NYNRIN: variants seen among roughly 807,000 people sequenced by gnomAD.
The protein encoded by NYNRIN is protein NYNRIN.
Under a neutral mutation model 146.6 loss-of-function variants are expected in NYNRIN, and 86 were observed. The ratio of observed to expected loss-of-function variants is 0.59; its 90% CI spans 0.49 to 0.70. The LOEUF (loss-of-function observed/expected upper bound fraction) is 0.70, where lower values mean the gene tolerates loss of function less well. Among genes scored for constraint, NYNRIN ranks in the 30% least tolerant of loss-of-function variants. NYNRIN has a pLI of 0.00. For missense variants in NYNRIN, 2,191 were observed against 2,377.7 expected (o/e 0.92, Z 1.63); for synonymous variants, 1,027 against 1,001.3 (o/e 1.03, Z -0.48).
In NYNRIN at chr14:24,416,057, G is replaced by T. The variant is rs902005867; in HGVS notation, c.4308G>T (p.Leu1436=). 3.1e-6 allele frequency: 5 copies of T among 1,613,890 alleles called. No homozygotes were observed. The African/African-American group carries it at 4.0e-5, about 13-fold the overall frequency. The change falls in exon 9 of 9, where the codon CTG becomes CTT. Residue 1436 remains leucine, a synonymous_variant. Coordinates refer to ENST00000382554, the MANE Select transcript of NYNRIN (RefSeq NM_025081.3). ...ACCGAACCTCCTACCGGGGCTCTCT[G>T]TTTGCTGTGACAGTGGACACCCTGG... ...FIYRTSYRGS[L]FAVTVDTLAK...
In NYNRIN at chr14:24,415,169, C is replaced by T. The variant is rs1268701220; in HGVS notation, c.3420C>T (p.Ala1140=). The T allele has an allele frequency of 6.2e-7, 1 of 1,607,484 alleles. No homozygotes were observed. Among genetic ancestry groups the T allele is most frequent in the Non-Finnish European group, 8.5e-7 (1 of 1,179,362 alleles). ...AGGAGCATGAGGAGGCCTTCCTGGC[C>T]CTGAAGCGAGCCCTGGTGTCTGCCC... ...WDQEHEEAFL[A]LKRALVSALC... The change falls in exon 9 of 9, where the codon GCC becomes GCT. Residue 1140 remains alanine (A), a synonymous_variant. Transcript: ENST00000382554.
chr14:24,417,175 G>A lies in NYNRIN; in HGVS notation c.5426G>A (p.Ser1809Asn). 2.5e-6 allele frequency: 4 copies of A among 1,614,066 alleles called. No individual in the cohort carries two copies. The highest frequency in any genetic ancestry group is 1.3e-5 in the African/African-American group (1 of 75,070). Residue 1809 changes from serine (S) to asparagine (N), a missense_variant, in exon 9 of 9, where the codon AGT becomes AAT. Coordinates refer to ENST00000382554, the MANE Select transcript of NYNRIN (RefSeq NM_025081.3). ...ELHWRVADKA[S>N]EKAENRRFKR... ...CACTGGAGGGTGGCTGACAAGGCGAGTGAAAAGGCCGAGAACAGGCGTTTC... is the reference window on the plus strand; with the variant it reads ...CACTGGAGGGTGGCTGACAAGGCGAATGAAAAGGCCGAGAACAGGCGTTTC...
Position 24,417,508 on chromosome 14 carries a change from CT to C in NYNRIN, c.*63del. On this transcript the variant is annotated 3_prime_UTR_variant, in exon 9 of 9. Coordinates refer to ENST00000382554, the MANE Select transcript of NYNRIN (RefSeq NM_025081.3). ...TGGGTTTCTGCTGCTAGGCCTCCCC[CT>C]GTCCCAGCAGTGCTCTCAGTCCACT... The C allele has an allele frequency of 2.1e-6, 3 of 1,431,714 alleles. No homozygotes were observed. Among genetic ancestry groups the C allele is most frequent in the East Asian group, 2.5e-5 (1 of 39,808 alleles). The allele number at this position is 1,431,714 out of a possible 1,614,324, so 88.7% of individuals were successfully genotyped here.
At position 24,410,063 on chromosome 14, in the gene NYNRIN, C is replaced by T. The variant is rs267603971; in HGVS notation, c.2269C>T (p.Arg757Cys). ...GGAGGGGGCCCCAAGGCAGCCACCT[C>T]GCCACCTGCAAGCGAACAGCACAGT... The part of the protein sequence containing the change: ...AWEGAPRQPP[R>C]HLQANSTVTS... Residue 757 changes from arginine (R) to cysteine (C), a missense_variant, in exon 4 of 9, where the codon CGC (arginine) becomes TGC (cysteine). Physicochemically the swap from Arg to Cys is radical, Grantham distance 180. Transcript: ENST00000382554. 32 of 1,613,818 alleles carry T rather than the reference C, an allele frequency of 2.0e-5. No homozygotes were observed. Among genetic ancestry groups the T allele is most frequent in the South Asian group, 5.5e-5 (5 of 91,090 alleles).
chr14:24,409,590 T>C lies in NYNRIN; in HGVS notation c.1796T>C (p.Leu599Pro), dbSNP rs1460834735. 7.5e-6 allele frequency: 12 copies of C among 1,610,098 alleles called. No individual in the cohort carries two copies. Among genetic ancestry groups the C allele is most frequent in the Non-Finnish European group, 8.5e-6 (10 of 1,178,076 alleles). ...GCTCCAACAAAGCCAACAGCTCAAC[T>C]GATGGCCACAGCTCAAAAAACAGTT... ...PLAPTKPTAQ[L>P]MATAQKTVVN... The change falls in exon 4 of 9, where the codon CTG (leucine) becomes CCG (proline). Residue 599 changes from leucine to proline, a missense_variant. Leu to Pro is a moderately conservative substitution (Grantham distance 98, BLOSUM62 -3). Coordinates refer to ENST00000382554, the MANE Select transcript of NYNRIN (RefSeq NM_025081.3).
At position 24,418,493 on chromosome 14, in the gene NYNRIN, C is replaced by T. The variant is rs1278243497; in HGVS notation, c.*1047C>T. The T allele has an allele frequency of 2.9e-6, 1 of 340,810 alleles. No homozygotes were observed. The highest frequency in any genetic ancestry group is 1.1e-3 in the Middle Eastern group (1 of 922). 21.1% of individuals were successfully genotyped at this position (340,810 alleles called of 1,614,324 possible). ...GTATCACCCCCCGAGTCCTGTGGAC[C>T]TGCCTTCTGTGTAGAGCAAAACCCA... is the stretch of plus-strand genomic sequence containing the variant. On this transcript the variant is annotated 3_prime_UTR_variant, in exon 9 of 9. Transcript: ENST00000382554.
In NYNRIN at chr14:24,408,767, G is replaced by T; in HGVS notation, c.973G>T (p.Val325Phe). ...HTQALLKQRQ[V>F]QKIEDKLLFQ... is the part of the protein sequence containing the mutation. ...ACAAGCCTTGTTGAAGCAAAGGCAG[G>T]TCCAGAAGATAGAAGATAAACTCCT... Residue 325 changes from valine (V) to phenylalanine (F), a missense_variant, in exon 4 of 9, where the codon GTC becomes TTC. Coordinates refer to ENST00000382554, the MANE Select transcript of NYNRIN (RefSeq NM_025081.3). 6.2e-7 allele frequency: 1 copy of T among 1,613,984 alleles called. No homozygotes were observed. The highest frequency in any genetic ancestry group is 8.5e-7 in the Non-Finnish European group (1 of 1,179,870).
Position 24,410,037 on chromosome 14 carries a change from G to C in NYNRIN, c.2243G>C (p.Trp748Ser). The change falls in exon 4 of 9, where the codon TGG becomes TCG. Residue 748 changes from tryptophan (W) to serine (S), a missense_variant. Coordinates refer to ENST00000382554, the MANE Select transcript of NYNRIN (RefSeq NM_025081.3). ...QFQMEGLLGA[W>S]EGAPRQPPRH... The stretch of plus-strand genomic sequence containing the variant: ...CAGATGGAGGGGCTCCTGGGGGCTT[G>C]GGAGGGGGCCCCAAGGCAGCCACCT... The C allele has an allele frequency of 6.2e-7, 1 of 1,613,926 alleles. No homozygotes were observed. Among genetic ancestry groups the C allele is most frequent in the Non-Finnish European group, 8.5e-7 (1 of 1,179,896 alleles).
intron 6 of NYNRIN, among the ~76,000 whole-genome samples, chr14:24,412,336 A>G (rs911271336): frequency 6.6e-6 from 1 of 152,162 alleles, no homozygotes; most frequent in Non-Finnish European, 1.5e-5. Context: ...GCCCGAATGG[A>G]AAGTTTCAGG....
chr14:24,400,898 T>A (rs1368804376), intron 2 of NYNRIN, among the ~76,000 whole-genome samples: 2 of 151,944 alleles, frequency 1.3e-5, no homozygotes, highest in African/African-American at 4.8e-5. Flanking sequence ...CAAGTGATTC[T>A]CCTGCCTCAG....
chr14:24,417,438 G>C lies in NYNRIN; in HGVS notation c.5689G>C (p.Glu1897Gln), dbSNP rs2042955827. The C allele has an allele frequency of 3.4e-6, 5 of 1,487,436 alleles. No homozygotes were observed. In the East Asian group the frequency reaches 1.2e-4, roughly 36 times the overall value. The allele number at this position is 1,487,436 out of a possible 1,614,324, so 92.1% of individuals were successfully genotyped here. A position where few individuals can be genotyped will look rare whatever the true frequency, so the allele number is the denominator to read the frequency against. The change falls in exon 9 of 9, where the codon GAG becomes CAG. Residue 1897 changes from glutamate (E) to glutamine (Q), a missense_variant. This residue lies in a region of NYNRIN where 1,291 missense variants were observed against 1,417.0 expected (regional missense o/e 0.91). Coordinates refer to ENST00000382554, the MANE Select transcript of NYNRIN (RefSeq NM_025081.3). ...SGTPLSFKVL[E>Q]Q ...CACCCCGCTGTCCTTCAAGGTCTTG[G>C]AGCAGTGAGCGGGAGCAGCGGGGGT...
At chr14:24,406,039 G>T (rs2042873308) in intron 2 of NYNRIN, among the ~76,000 whole-genome samples, 1 of 151,544 alleles carries the variant, frequency 6.6e-6, no homozygotes, top group Non-Finnish European at 1.5e-5. Context: ...GTGCACATCT[G>T]TAATCCCAGC....
chr14:24,413,556 G>GTC, intron 8 of NYNRIN, 139 bp downstream of exon 8: 1 of 595,366 alleles, frequency 1.7e-6, no homozygotes, highest in Non-Finnish European at 2.9e-6. Flanking sequence ...TGTGCCACAT[G>GTC]TTTATGTGTT....
chr14:24,410,846 T>C (rs2042908193), intron 4 of NYNRIN, among the ~76,000 whole-genome samples: 1 of 152,162 alleles, frequency 6.6e-6, no homozygotes, highest in Non-Finnish European at 1.5e-5. Context: ...CCTACACACA[T>C]GCGTACACAC....
chr14:24,414,366 G>A (rs1344976842), intron 8 of NYNRIN, among the ~76,000 whole-genome samples: 2 of 152,246 alleles, frequency 1.3e-5, no homozygotes, highest in African/African-American at 4.8e-5. Context: ...AGTTTTGATT[G>A]GATGAGTCTT....
At chr14:24,403,657 T>C (rs2042858696) in intron 2 of NYNRIN, among the ~76,000 whole-genome samples, 1 of 152,340 alleles carries the variant, frequency 6.6e-6, no homozygotes, top group Non-Finnish European at 1.5e-5. Flanking sequence ...GTGCCTGGCA[T>C]GTAGTCAAGA....
intron 6 of NYNRIN, chr14:24,412,687 C>T (rs916398553): frequency 7.8e-5 from 19 of 244,074 alleles, no homozygotes; most frequent in African/African-American, 3.0e-4. Flanking sequence ...TGAATGTGGA[C>T]GAATGTGAGT....
chr14:24,399,304 T>G lies in NYNRIN; in HGVS notation c.58T>G (p.Ser20Ala). ...AQEWFMVQTKSKPRVQRQRLQ... is the reference protein window; with the variant it reads ...AQEWFMVQTKAKPRVQRQRLQ... ...GGAATGGTTCATGGTGCAGACAAAA[T>G]CGAAGCCTCGGGTGCAGCGGCAGCG... The change falls in exon 2 of 9, where the codon TCG becomes GCG. Residue 20 changes from serine (S) to alanine (A), a missense_variant. Ser to Ala is a moderately conservative substitution (Grantham distance 99). Around this residue, in one of 3 missense-constraint regions of NYNRIN, gnomAD observed 895 missense variants for 941.2 expected, o/e 0.95. Coordinates refer to ENST00000382554, the MANE Select transcript of NYNRIN (RefSeq NM_025081.3). 2 of 1,613,852 alleles carry G rather than the reference T, an allele frequency of 1.2e-6. No individual in the cohort carries two copies. Among genetic ancestry groups the G allele is most frequent in the Non-Finnish European group, 1.7e-6 (2 of 1,179,842 alleles).
Position 24,408,151 on chromosome 14 carries a change from C to A in NYNRIN, c.481C>A (p.Arg161=), listed in dbSNP as rs373738856. Residue 161 remains arginine, a synonymous_variant, in exon 3 of 9, where the codon CGG becomes AGG. Coordinates refer to ENST00000382554, the MANE Select transcript of NYNRIN (RefSeq NM_025081.3). ...GGGGATCTGGGAGGCTGAGGTGACC[C>A]GGGCCTTTGGGGCCCTGGTCTGGAT... ...PRGIWEAEVT[R]AFGALVWIRG... is the part of the protein sequence containing the mutation. 6.2e-7 allele frequency: 1 copy of A among 1,604,424 alleles called. No individual in the cohort carries two copies. Among genetic ancestry groups the A allele is most frequent in the Middle Eastern group, 1.7e-4 (1 of 6,044 alleles).
Sources: gnomAD v4.1 joint callset for allele counts (sites outside exome capture counted in the v4.1 genomes callset) on GRCh38, gnomAD v4.1.1 for gene constraint, gnomAD v4.1.1 regional missense constraint, MANE v1.5 for transcripts, NCBI Gene and HGNC (gene_info 2026-07-23, HGNC 2026-07-21) for gene names.